Variants in SSC4D observed in about 807,000 individuals in gnomAD.
SSC4D encodes the protein scavenger receptor cysteine rich family member with 4 domains, also known as scavenger receptor cysteine-rich domain-containing group B protein.
A neutral mutation model predicts 63.4 loss-of-function variants in SSC4D; 57 were observed. The observed-to-expected ratio is 0.90, with a 90% CI of 0.73 to 1.12. The LOEUF is 1.12. Among genes scored for constraint, SSC4D ranks in the 50% most tolerant of loss-of-function variants. The pLI is 0.00. For missense variants in SSC4D, 791 were observed against 806.4 expected (o/e 0.98, Z 0.23); for synonymous variants, 352 against 345.4 (o/e 1.02, Z -0.21).
intron 7 of SSC4D, 81 bp downstream of exon 7, chr7:76,395,172 T>G: frequency 6.5e-7 from 1 of 1,542,134 alleles, no homozygotes; most frequent in South Asian, 1.1e-5. Flanking sequence ...CCCCCGCCTG[T>G]GAATCCAGAA....
Position 76,397,711 on chromosome 7 carries a change from C to A in SSC4D, c.675G>T (p.Val225=), listed in dbSNP as rs1020834453. ...DDDWGLPDAA[V]VCRQLGCGAA... is the part of the protein sequence containing the mutation. ...CCCCGCAGCCCAGCTGACGACAGACCACAGCGGCATCCGGCAGCCCCCAGT... is the reference window on the plus strand; with the variant it reads ...CCCCGCAGCCCAGCTGACGACAGACAACAGCGGCATCCGGCAGCCCCCAGT... The change falls in exon 6 of 11, where the codon GTG becomes GTT. Residue 225 remains valine (V), a synonymous_variant. Coordinates refer to ENST00000275560, the MANE Select transcript of SSC4D (RefSeq NM_080744.2). The A allele has an allele frequency of 4.3e-6, 7 of 1,613,462 alleles. No homozygotes were observed. Among genetic ancestry groups the A allele is most frequent in the South Asian group, 1.1e-5 (1 of 91,076 alleles).
chr7:76,397,511 C>G lies in SSC4D; in HGVS notation c.868+7G>C. Reference sequence around the variant, plus strand: ...CCGGCCCCGCCCATCGCCCCTAGAGCCCGCACCTGCGCAGAGCGCGCCCGC... The same window carrying G: ...CCGGCCCCGCCCATCGCCCCTAGAGGCCGCACCTGCGCAGAGCGCGCCCGC... On this transcript the variant is annotated splice_region_variant and intron_variant, in intron 6 of 10. Coordinates refer to ENST00000275560, the MANE Select transcript of SSC4D (RefSeq NM_080744.2). The G allele has an allele frequency of 6.6e-7, 1 of 1,519,512 alleles. No individual in the cohort carries two copies. The highest frequency in any genetic ancestry group is 8.8e-7 in the Non-Finnish European group (1 of 1,134,548). The allele number at this position is 1,519,512 out of a possible 1,614,324, so 94.1% of individuals were successfully genotyped here.
rs1368538593 is a variant in SSC4D at position 76,403,348 on chromosome 7, T to TC, written c.133+958_133+959insG. Among the ~76,000 whole-genome samples the TC allele has an allele frequency of 2.8e-5, 3 of 107,280 alleles. No individual in the cohort carries two copies. The Admixed American group carries it at 2.9e-4, about 10-fold the overall frequency. The allele number at this position is 107,280 out of a possible 152,430, so 70.4% of individuals were successfully genotyped here. A position where few individuals can be genotyped will look rare whatever the true frequency, so the allele number is the denominator to read the frequency against. On this transcript the variant is annotated intron_variant, in intron 2 of 10. Coordinates refer to ENST00000275560, the MANE Select transcript of SSC4D (RefSeq NM_080744.2). ...GATGAAGAAACTGAGACTCCACTTCTTTTTTTTGAGACAGAGTCTCGCCCT... is the reference window on the plus strand; with the variant it reads ...GATGAAGAAACTGAGACTCCACTTCTCTTTTTTTGAGACAGAGTCTCGCCCT...
At chr7:76,399,307 C>G (rs940620186) in intron 4 of SSC4D, among the ~76,000 whole-genome samples, 4 of 152,092 alleles carry the variant, frequency 2.6e-5, no homozygotes, top group African/African-American at 9.7e-5. Flanking sequence ...GCCACCGTGC[C>G]CAGCCTGAAG....
At position 76,393,715 on chromosome 7, in the gene SSC4D, ACCT is replaced by A. The variant is rs775458331; in HGVS notation, c.1022-2_1022del. 1.4e-6 allele frequency: 2 copies of A among 1,386,990 alleles called. No individual in the cohort carries two copies. Among genetic ancestry groups the A allele is most frequent in the Non-Finnish European group, 1.9e-6 (2 of 1,077,398 alleles). 85.9% of individuals were successfully genotyped at this position (1,386,990 alleles called of 1,614,324 possible). A position where few individuals can be genotyped will look rare whatever the true frequency, so the allele number is the denominator to read the frequency against. ...GGCCGCCCACCAGTCGCAGCCGTCC[ACCT>A]GCGGGGCGCACAGGCCCGCGGCCAG... On this transcript the variant is annotated splice_acceptor_variant and coding_sequence_variant, in exon 9 of 11. Coordinates refer to ENST00000275560, the MANE Select transcript of SSC4D (RefSeq NM_080744.2). LOFTEE classifies it high-confidence loss of function.
intron 1 of SSC4D, among the ~76,000 whole-genome samples, chr7:76,408,290 T>C (rs1431246956): frequency 1.3e-5 from 2 of 152,108 alleles, no homozygotes; most frequent in African/African-American, 4.8e-5. Flanking sequence ...CAACACCCCA[T>C]TCATGGGGCC....
rs1390842106 is a variant in SSC4D at position 76,393,504 on chromosome 7, C to T, written c.1234G>A (p.Gly412Ser). The T allele has an allele frequency of 2.0e-6, 3 of 1,524,818 alleles. No individual in the cohort carries two copies. Among genetic ancestry groups the T allele is most frequent in the Non-Finnish European group, 2.6e-6 (3 of 1,143,104 alleles). 94.5% of individuals were successfully genotyped at this position (1,524,818 alleles called of 1,614,324 possible). A position where few individuals can be genotyped will look rare whatever the true frequency, so the allele number is the denominator to read the frequency against. ...AGGCGAGCCTCGGTGCCGGCGCAGC[C>T]CACGTTGTCCAGCAGCACGGGGCCG... ...GRGPVLLDNV[G>S]CAGTEARLSD... The change falls in exon 9 of 11, where the codon GGC (glycine) becomes AGC (serine). Residue 412 changes from glycine to serine, a missense_variant. Transcript: ENST00000275560.
At chr7:76,407,334 A>AAC (rs1805070289) in intron 1 of SSC4D, among the ~76,000 whole-genome samples, 1 of 119,326 alleles carries the variant, frequency 8.4e-6, no homozygotes, top group Non-Finnish European at 1.8e-5. Flanking sequence ...AGGCGGGAGG[A>AAC]TCTCTTTTTT....
chr7:76,390,134 G>A lies in SSC4D; in HGVS notation c.1653C>T (p.Leu551=). 1 of 1,614,240 alleles carries A rather than the reference G, an allele frequency of 6.2e-7. No homozygotes were observed. The highest frequency in any genetic ancestry group is 1.3e-5 in the African/African-American group (1 of 75,078). ...KCRGEESALL[L]CSHIRWDAHN... ...GGGCATCCCAGCGGATATGAGAGCA[G>A]AGCAGCAGAGCACTTTCTTCCCCAC... Residue 551 remains leucine, a synonymous_variant, in exon 11 of 11, where the codon CTC becomes CTT. Transcript: ENST00000275560.
intron 2 of SSC4D, among the ~76,000 whole-genome samples, chr7:76,403,722 C>G (rs1462775485): frequency 2.0e-5 from 3 of 151,684 alleles, no homozygotes; most frequent in African/African-American, 7.3e-5. Context: ...AGTGCAGTGG[C>G]GTGATCTTGG....
In SSC4D at chr7:76,391,991, G is replaced by A. The variant is rs139442730; in HGVS notation, c.1384C>T (p.Arg462Trp). The change falls in exon 10 of 11, where the codon CGG becomes TGG. Residue 462 changes from arginine to tryptophan, a missense_variant. Transcript: ENST00000275560. ...TCCCTGGGCCGAGGAGTGGGCACCC[G>A]CGTGGTCTCAGAACCATCCTGCTGG... ...QVQQDGSETT[R>W]VPTPRPRDGH... The A allele has an allele frequency of 3.3e-3, 5,301 of 1,594,328 alleles. 16 individuals are homozygous for A. Among genetic ancestry groups the A allele is most frequent in the Non-Finnish European group, 3.9e-3 (4,557 of 1,170,276 alleles).
rs1804939852 is a variant in SSC4D at position 76,404,603 on chromosome 7, G to C, written c.-66-98C>G. The C allele has an allele frequency of 1.4e-5, 13 of 952,948 alleles. No homozygotes were observed. The South Asian group carries it at 2.0e-4, about 14-fold the overall frequency. 59.0% of individuals were successfully genotyped at this position (952,948 alleles called of 1,614,324 possible). ...ACCCAGGGGTTTGAGATCAGCCTGG[G>C]CAACATAGTGAGACCCCCATCTCTA... On this transcript the variant is annotated intron_variant, in intron 1 of 10. Transcript: ENST00000275560.
At chr7:76,400,940 T>C in intron 3 of SSC4D, 68 bp downstream of exon 3, 1 of 1,546,388 alleles carries the variant, frequency 6.5e-7, no homozygotes, top group South Asian at 1.2e-5. Flanking sequence ...CTTCCTGTGG[T>C]TCCCTGTCTG....
At chr7:76,392,695 G>C (rs1489727058) in intron 9 of SSC4D, among the ~76,000 whole-genome samples, 1 of 152,068 alleles carries the variant, frequency 6.6e-6, no homozygotes, top group East Asian at 1.9e-4. Flanking sequence ...TGGAGGTTGA[G>C]CGGAGTAGGA....
chr7:76,398,910 G>A, intron 4 of SSC4D, 113 bp from the exon 5 acceptor site: 1 of 1,069,216 alleles, frequency 9.4e-7, no homozygotes, highest in Non-Finnish European at 1.4e-6. Flanking sequence ...CAGAGCCTCT[G>A]GCCACACAAA....
chr7:76,392,055 G>C lies in SSC4D; in HGVS notation c.1334-14C>G. On this transcript the variant is annotated splice_polypyrimidine_tract_variant and intron_variant, in intron 9 of 10. Coordinates refer to ENST00000275560, the MANE Select transcript of SSC4D (RefSeq NM_080744.2). ...GCTCCTCTGGGCCTGGTTCAGGAAG[G>C]ACAGAGATAAAGAGGTGGCTCTCAC... 2.6e-6 allele frequency: 4 copies of C among 1,561,146 alleles called. No homozygotes were observed. The highest frequency in any genetic ancestry group is 3.5e-6 in the Non-Finnish European group (4 of 1,152,090).
intron 9 of SSC4D, among the ~76,000 whole-genome samples, chr7:76,392,455 C>T (rs578223674): frequency 6.6e-6 from 1 of 150,928 alleles, no homozygotes; most frequent in East Asian, 2.0e-4. Flanking sequence ...GAGGCTGAGG[C>T]AGGAGAATCG....
intron 5 of SSC4D, among the ~76,000 whole-genome samples, chr7:76,398,048 C>T (rs1478258163): frequency 6.6e-6 from 1 of 152,124 alleles, no homozygotes; most frequent in Non-Finnish European, 1.5e-5. Flanking sequence ...CTCCCTGTCT[C>T]CTGGCAGCCT....
At chr7:76,406,771 C>T (rs1367747786) in intron 1 of SSC4D, among the ~76,000 whole-genome samples, 1 of 150,786 alleles carries the variant, frequency 6.6e-6, no homozygotes, top group Admixed American at 6.6e-5. Flanking sequence ...TTTAATACCC[C>T]AATCCTAAAT....
Sources: allele counts gnomAD v4.1 joint callset (sites outside exome capture counted in the v4.1 genomes callset), GRCh38; gene constraint gnomAD v4.1.1; transcripts MANE v1.5; gene names NCBI Gene and HGNC (gene_info 2026-07-23, HGNC 2026-07-21).